TK2: variants seen among roughly 807,000 people sequenced by gnomAD.
TK2 encodes the protein thymidine kinase 2.
Under a neutral mutation model 41.9 loss-of-function variants are expected in TK2, and 35 were observed. The observed-to-expected ratio is 0.84, with a 90% CI of 0.64 to 1.11. The LOEUF is 1.11. Ranked by LOEUF, TK2 falls within the 50% of genes least tolerant of loss-of-function variation. The pLI is 0.00. For synonymous variants in TK2, 128 were observed against 129.1 expected (o/e 0.99, Z 0.06); for missense variants, 320 against 351.1 (o/e 0.91, Z 0.71).
At chr16:66,549,484 G>A in intron 1 of TK2, 1 of 1,038,750 alleles carries the variant, frequency 9.6e-7, no homozygotes, top group Non-Finnish European at 1.2e-6. Context: ...ACCAGAACCC[G>A]GGTGTAACAG....
At chr16:66,540,900 T>C (rs1383176104) in intron 3 of TK2, among the ~76,000 whole-genome samples, 2 of 152,214 alleles carry the variant, frequency 1.3e-5, no homozygotes, top group African/African-American at 4.8e-5. Flanking sequence ...TATTAAGACC[T>C]TGAAATATGA....
chr16:66,523,390 T>A (rs1252275809), intron 6 of TK2, among the ~76,000 whole-genome samples: 1 of 152,238 alleles, frequency 6.6e-6, no homozygotes, highest in East Asian at 1.9e-4. Context: ...TCCCAGTACC[T>A]GGCTGAACTC....
chr16:66,546,477 C>G (rs1319453066), intron 2 of TK2: 1 of 152,118 alleles, frequency 6.6e-6, no homozygotes, highest in Non-Finnish European at 1.5e-5. Context: ...TTACATGCTC[C>G]TTGTTAACCC....
chr16:66,550,277 C>G, upstream of TK2: 2 of 1,587,302 alleles, frequency 1.3e-6, no homozygotes, highest in Middle Eastern at 1.7e-4. Flanking sequence ...TGGCAGAACG[C>G]ACCCATAACT....
intron 6 of TK2, among the ~76,000 whole-genome samples, chr16:66,526,065 G>A (rs902619659): frequency 2.6e-5 from 4 of 152,148 alleles, no homozygotes; most frequent in African/African-American, 9.7e-5. Flanking sequence ...CCATGGGCGT[G>A]AGTTACCAAA....
At chr16:66,515,069 T>C (rs1203954926) in intron 8 of TK2, among the ~76,000 whole-genome samples, 1 of 151,922 alleles carries the variant, frequency 6.6e-6, no homozygotes, top group African/African-American at 2.4e-5. Context: ...ACCAGAGACC[T>C]TTGTTCACAT....
intron 6 of TK2, among the ~76,000 whole-genome samples, chr16:66,527,306 T>C (rs1018558680): frequency 2.0e-5 from 3 of 152,132 alleles, no homozygotes; most frequent in African/African-American, 7.2e-5. Context: ...TCTGGGTGGA[T>C]TTGGGGCAGA....
intron 4 of TK2, among the ~76,000 whole-genome samples, chr16:66,532,934 C>CA (rs1316350639): frequency 1.3e-5 from 2 of 151,366 alleles, no homozygotes; most frequent in African/African-American, 4.9e-5. Context: ...CAATCCTGAG[C>CA]AAAAAAAACA....
At chr16:66,518,024 C>A in intron 6 of TK2, 147 bp from the exon 7 acceptor site, 1 of 737,614 alleles carries the variant, frequency 1.4e-6, no homozygotes, top group Non-Finnish European at 2.5e-6. Flanking sequence ...ACTGGACATG[C>A]AGTGACAAGG....
chr16:66,527,632 T>A (rs939369421), intron 6 of TK2, among the ~76,000 whole-genome samples: 10 of 152,182 alleles, frequency 6.6e-5, no homozygotes, highest in African/African-American at 1.2e-4. Flanking sequence ...ACATACTAAG[T>A]TGAACCACAC....
At chr16:66,530,692 G>A (rs1421238965) in intron 5 of TK2, among the ~76,000 whole-genome samples, 1 of 151,888 alleles carries the variant, frequency 6.6e-6, no homozygotes, top group Non-Finnish European at 1.5e-5. Flanking sequence ...GCAGGTCTGG[G>A]ATGTGACTAG....
Position 66,538,923 on chromosome 16 carries a change from G to A in TK2, c.232-1906C>T, listed in dbSNP as rs554924040. On this transcript the variant is annotated intron_variant, in intron 3 of 9. Coordinates refer to ENST00000544898, the MANE Select transcript of TK2 (RefSeq NM_004614.5). Reference sequence around the variant, plus strand: ...TCTGGCTGTATCATACACTGGCCTAGCGACCCTGGACAAGCCACTTAACCT... The same window carrying A: ...TCTGGCTGTATCATACACTGGCCTAACGACCCTGGACAAGCCACTTAACCT... Among the ~76,000 whole-genome samples the A allele has an allele frequency of 1.3e-3, 196 of 152,260 alleles. 2 individuals carry two copies. The highest frequency in any genetic ancestry group is 4.4e-3 in the African/African-American group (184 of 41,538).
At chr16:66,546,361 G>C (rs748706196) in intron 2 of TK2, among the ~76,000 whole-genome samples, 3 of 152,204 alleles carry the variant, frequency 2.0e-5, no homozygotes, top group Non-Finnish European at 4.4e-5. Flanking sequence ...TTTGTGGTAT[G>C]CAAATTACAA....
rs1964653964 is a variant in TK2, at chr16:66,517,641, T to A, written c.538+148A>T. ...CAGAAGTCCCGAATTCTGTCTGCCC[T>A]CAGGGAGAAAGCTGAACTCCCATGG... On this transcript the variant is annotated intron_variant, in intron 7 of 9. Transcript: ENST00000544898. This position sits in a 1 kb window ranked among gnomAD's most constrained non-coding sequence, Gnocchi z 4.3. The A allele has an allele frequency of 9.2e-6, 7 of 761,690 alleles. No homozygotes were observed. The East Asian group carries it at 1.8e-4, about 20-fold the overall frequency. The allele number at this position is 761,690 out of a possible 1,614,324, so 47.2% of individuals were successfully genotyped here.
intron 2 of TK2, among the ~76,000 whole-genome samples, chr16:66,544,436 T>A (rs1377226216): frequency 2.6e-5 from 4 of 152,208 alleles, no homozygotes; most frequent in Non-Finnish European, 2.9e-5. Flanking sequence ...CAAATATTAT[T>A]TTCTATACAG....
In TK2 at chr16:66,514,934, A is replaced by G. The variant is rs1964566063; in HGVS notation, c.619-1123T>C. The stretch of plus-strand genomic sequence containing the variant: ...GGTTAAATGGATTAAGGGCGATGCA[A>G]GATGTGCTTTGTTAAACAGATGCTT... On this transcript the variant is annotated intron_variant, in intron 8 of 9. Coordinates refer to ENST00000544898, the MANE Select transcript of TK2 (RefSeq NM_004614.5). This position sits in a 1 kb window ranked among gnomAD's most constrained non-coding sequence, Gnocchi z 4.2. Among the ~76,000 whole-genome samples the G allele has an allele frequency of 6.6e-6, 1 of 152,188 alleles. No homozygotes were observed. The highest frequency in any genetic ancestry group is 6.5e-5 in the Admixed American group (1 of 15,284).
chr16:66,513,880 C>T (rs888216596), intron 8 of TK2, 69 bp from the exon 9 acceptor site: 2 of 1,370,086 alleles, frequency 1.5e-6, no homozygotes, highest in East Asian at 4.6e-5. Flanking sequence ...GGGTGTCAAG[C>T]AGAGGGGGTC....
intron 4 of TK2, among the ~76,000 whole-genome samples, chr16:66,536,282 T>C (rs1965277990): frequency 6.6e-6 from 1 of 151,336 alleles, no homozygotes; most frequent in Non-Finnish European, 1.5e-5. Flanking sequence ...GCAACTTATA[T>C]AAGTGCAATT....
At chr16:66,516,631 T>C (rs78538877) in intron 8 of TK2, among the ~76,000 whole-genome samples, 10,030 of 152,120 alleles carry the variant, frequency 0.066, 1,093 homozygotes, top group African/African-American at 0.23. Context: ...AGAGTCAGTG[T>C]GGCCTGAGCA....
Sources: gnomAD v4.1 joint callset for allele counts (sites outside exome capture counted in the v4.1 genomes callset) on GRCh38, gnomAD v4.1.1 for gene constraint, Gnocchi (gnomAD v3.1) non-coding constraint, MANE v1.5 for transcripts, NCBI Gene and HGNC (gene_info 2026-07-23, HGNC 2026-07-21) for gene names.